Variants in SPEG observed in about 807,000 individuals in gnomAD.
SPEG encodes striated muscle enriched protein kinase, also known as striated muscle preferentially expressed protein kinase.
A neutral mutation model predicts 300.4 loss-of-function variants in SPEG; 114 were observed. The ratio of observed to expected loss-of-function variants is 0.38; its 90% CI spans 0.33 to 0.44. The LOEUF is 0.44. SPEG is among the 20% of genes least tolerant of loss of function. SPEG has a pLI of 1.00. For missense variants in SPEG, 4,201 were observed against 4,586.2 expected (o/e 0.92, Z 2.43); for synonymous variants, 1,964 against 2,018.9 (o/e 0.97, Z 0.73).
At chr2:219,476,825 G>C in intron 18 of SPEG, 45 bp from the exon 19 acceptor site, 3 of 1,498,808 alleles carry the variant, frequency 2.0e-6, no homozygotes, top group Non-Finnish European at 2.8e-6. Flanking sequence ...GGTAAAGCCA[G>C]CCCCTAGCCC....
intron 9 of SPEG, chr2:219,465,356 G>A (rs1691171445): frequency 1.3e-5 from 2 of 153,166 alleles, no homozygotes; most frequent in South Asian, 2.1e-4. Flanking sequence ...CCCAGCCCCT[G>A]ACCTTCCCCA....
At chr2:219,465,981 G>A (rs1691302599) in intron 9 of SPEG, 5 of 1,221,026 alleles carry the variant, frequency 4.1e-6, no homozygotes, top group Non-Finnish European at 4.7e-6. Context: ...GTGTGTGCAT[G>A]TGTGTGTGTG....
Position 219,451,494 on chromosome 2 carries a change from G to A in SPEG, c.2258-131G>A, listed in dbSNP as rs1387298442. ...AACCTGAGCTTCCCAAAATGAGGGC[G>A]GACTCTTCCAGATTCCCTGGGGTGC... On this transcript the variant is annotated intron_variant, in intron 5 of 40. Coordinates refer to ENST00000312358, the MANE Select transcript of SPEG (RefSeq NM_005876.5). This position sits in a 1 kb window ranked among gnomAD's most constrained non-coding sequence, Gnocchi z 6.4. The A allele has an allele frequency of 3.3e-5, 38 of 1,144,412 alleles. No homozygotes were observed. The highest frequency in any genetic ancestry group is 5.5e-5 in the East Asian group (2 of 36,472). 70.9% of individuals were successfully genotyped at this position (1,144,412 alleles called of 1,614,324 possible).
At position 219,444,582 on chromosome 2, in the gene SPEG, C is replaced by A; in HGVS notation, c.389-71C>A. 1 of 1,327,164 alleles carries A rather than the reference C, an allele frequency of 7.5e-7. No homozygotes were observed. The highest frequency in any genetic ancestry group is 1.1e-6 in the Non-Finnish European group (1 of 926,382). The allele number at this position is 1,327,164 out of a possible 1,614,324, so 82.2% of individuals were successfully genotyped here. ...ATGGAGCCTGCTGTTGGCAGGGAGGCAGAAGGCAATAGGGAAGAGTTGGAG... is the reference window on the plus strand; with the variant it reads ...ATGGAGCCTGCTGTTGGCAGGGAGGAAGAAGGCAATAGGGAAGAGTTGGAG... On this transcript the variant is annotated intron_variant, in intron 1 of 40. Transcript: ENST00000312358. This position sits in a 1 kb window ranked among gnomAD's most constrained non-coding sequence, Gnocchi z 7.8.
chr2:219,488,456 C>A, intron 32 of SPEG, 42 bp from the exon 33 acceptor site: 1 of 1,541,322 alleles, frequency 6.5e-7, no homozygotes, highest in Non-Finnish European at 8.8e-7. Flanking sequence ...TGGACATGTG[C>A]TGCCTCACTC....
chr2:219,484,253 G>A lies in SPEG; in HGVS notation c.6790G>A (p.Gly2264Ser). 6.2e-7 allele frequency: 1 copy of A among 1,610,508 alleles called. No homozygotes were observed. The highest frequency in any genetic ancestry group is 8.5e-7 in the Non-Finnish European group (1 of 1,179,708). Reference sequence around the variant, plus strand: ...AGGCCACGCCCAGGGCCCCTCGCAGGGCCCTGCCGCGCCGCCTTCAGAGCC... The same window carrying A: ...AGGCCACGCCCAGGGCCCCTCGCAGAGCCCTGCCGCGCCGCCTTCAGAGCC... ...LSGHAQGPSQ[G>S]PAAPPSEPKP... The change falls in exon 30 of 41, where the codon GGC becomes AGC. Residue 2264 changes from glycine (G) to serine (S), a missense_variant. Gly to Ser is a moderately conservative substitution (Grantham distance 56). Coordinates refer to ENST00000312358, the MANE Select transcript of SPEG (RefSeq NM_005876.5).
At chr2:219,441,764 A>G (rs1476977283) in intron 1 of SPEG, among the ~76,000 whole-genome samples, 1 of 151,802 alleles carries the variant, frequency 6.6e-6, no homozygotes, top group East Asian at 1.9e-4. Context: ...TCGTGTAGGG[A>G]GGCAGGTGAG....
In SPEG at chr2:219,445,125, T is replaced by C. The variant is rs1490657359; in HGVS notation, c.779T>C (p.Phe260Ser). 1.4e-5 allele frequency: 22 copies of C among 1,590,754 alleles called. No individual in the cohort carries two copies. The highest frequency in any genetic ancestry group is 1.8e-5 in the Non-Finnish European group (21 of 1,169,364). ...GCCAGTGACCTGTACGGCAGCGCAT[T>C]CAGCCTGTACAGAGGACGGGCGCTC... is the stretch of plus-strand genomic sequence containing the variant. The part of the protein sequence containing the change: ...SVASDLYGSA[F>S]SLYRGRALSI... The change falls in exon 3 of 41, where the codon TTC becomes TCC. Residue 260 changes from phenylalanine (F) to serine (S), a missense_variant. Phe to Ser is a radical substitution (Grantham distance 155). Transcript: ENST00000312358. This position sits in a 1 kb window ranked among gnomAD's most constrained non-coding sequence, Gnocchi z 6.1.
intron 1 of SPEG, chr2:219,442,999 C>G: frequency 3.4e-6 from 3 of 894,772 alleles, no homozygotes; most frequent in South Asian, 1.5e-5. Flanking sequence ...CACACACACA[C>G]TGGCCAGGGA....
In SPEG at chr2:219,435,263, C is replaced by A. The variant is rs760453637; in HGVS notation, c.286C>A (p.Arg96=). 62 of 1,489,018 alleles carry A rather than the reference C, an allele frequency of 4.2e-5. No individual in the cohort carries two copies. The highest frequency in any genetic ancestry group is 4.6e-4 in the Middle Eastern group (2 of 4,324). 92.2% of individuals were successfully genotyped at this position (1,489,018 alleles called of 1,614,324 possible). A position where few individuals can be genotyped will look rare whatever the true frequency, so the allele number is the denominator to read the frequency against. ...CCCCGAGCCCAGCTGCCTGTGGCTGCGGCGCTGCGGGGCGCAGGACGCCGG... is the reference window on the plus strand; with the variant it reads ...CCCCGAGCCCAGCTGCCTGTGGCTGAGGCGCTGCGGGGCGCAGGACGCCGG... ...PAPEPSCLWL[R]RCGAQDAGVY... Residue 96 remains arginine (R), a synonymous_variant, in exon 1 of 41, where the codon CGG becomes AGG. Transcript: ENST00000312358.
intron 40 of SPEG, 90 bp downstream of exon 40, chr2:219,492,350 A>T: frequency 7.0e-7 from 1 of 1,426,022 alleles, no homozygotes; most frequent in African/African-American, 1.4e-5. Flanking sequence ...CCCTGCTCCT[A>T]GGAAGAAGTC....
rs1332070666 is a variant in SPEG, at chr2:219,451,395, C to T, written c.2257+116C>T. ...AGGGGTGGGAAAGAGGGGAATTATC[C>T]CCTCCACGGGGGCTGCCCTGACTTG... is the stretch of plus-strand genomic sequence containing the variant. On this transcript the variant is annotated intron_variant, in intron 5 of 40. Coordinates refer to ENST00000312358, the MANE Select transcript of SPEG (RefSeq NM_005876.5). This position sits in a 1 kb window ranked among gnomAD's most constrained non-coding sequence, Gnocchi z 6.4. 2 of 1,389,072 alleles carry T rather than the reference C, an allele frequency of 1.4e-6. No homozygotes were observed. The highest frequency in any genetic ancestry group is 1.9e-6 in the Non-Finnish European group (2 of 1,044,070). The allele number at this position is 1,389,072 out of a possible 1,614,324, so 86.0% of individuals were successfully genotyped here. A position where few individuals can be genotyped will look rare whatever the true frequency, so the allele number is the denominator to read the frequency against.
In SPEG at chr2:219,489,454, C is replaced by T. The variant is rs188612736; in HGVS notation, c.8436C>T (p.Pro2812=). 451 of 1,612,360 alleles carry T rather than the reference C, an allele frequency of 2.8e-4. 3 individuals carry two copies. The Admixed American group carries it at 6.2e-3, about 22-fold the overall frequency. Residue 2812 remains proline (P), a synonymous_variant, in exon 36 of 41, where the codon CCC becomes CCT. Transcript: ENST00000312358. ...CCCCACCCCTAGCTCCTGCTGCCCCCACACCCCCGTCAGTCACTGTCAGCC... is the reference window on the plus strand; with the variant it reads ...CCCCACCCCTAGCTCCTGCTGCCCCTACACCCCCGTCAGTCACTGTCAGCC... The part of the protein sequence containing the change: ...SLAPPLAPAA[P]TPPSVTVSPS...
intron 33 of SPEG, 27 bp downstream of exon 33, chr2:219,488,692 G>T (rs200012925): frequency 1.1e-5 from 18 of 1,604,102 alleles, no homozygotes; most frequent in African/African-American, 1.1e-4. Flanking sequence ...GCCCCAGGGG[G>T]GTAGTGATGG....
chr2:219,490,717 A>T lies in SPEG; in HGVS notation c.9162-16A>T. ...GGCTGGGCCGGGTATCATCTGCTCC[A>T]TCCCTGCCCTCCCAGGTTCCGGTAT... On this transcript the variant is annotated splice_polypyrimidine_tract_variant and intron_variant, in intron 37 of 40. Transcript: ENST00000312358. 6.2e-7 allele frequency: 1 copy of T among 1,613,662 alleles called. No homozygotes were observed. The highest frequency in any genetic ancestry group is 1.1e-5 in the South Asian group (1 of 91,074).
rs767195712 is a variant in SPEG, at chr2:219,484,548, C to T, written c.7085C>T (p.Pro2362Leu). The change falls in exon 30 of 41, where the codon CCC (proline) becomes CTC (leucine). Residue 2362 changes from proline (P) to leucine (L), a missense_variant. Physicochemically the swap from Pro to Leu is moderately conservative, Grantham distance 98. This residue lies in a region of SPEG where 1,578 missense variants were observed against 1,506.0 expected (regional missense o/e 1.05). Transcript: ENST00000312358. ...LSRSRSEERG[P>L]FRGAEEEDGI... ...CGTTCGCGCTCGGAGGAGCGCGGCC[C>T]CTTCCGTGGGGCCGAGGAGGAGGAT... The T allele has an allele frequency of 6.3e-7, 1 of 1,592,444 alleles. No individual in the cohort carries two copies. Among genetic ancestry groups the T allele is most frequent in the Admixed American group, 1.7e-5 (1 of 57,212 alleles).
rs777632945 is a variant in SPEG, at chr2:219,464,578, C to T, written c.2851C>T (p.Arg951Trp). The change falls in exon 9 of 41, where the codon CGG becomes TGG. Residue 951 changes from arginine to tryptophan, a missense_variant. Arg to Trp is a moderately radical substitution (Grantham distance 101). Transcript: ENST00000312358. The surrounding 1 kb of genome is among the most constrained non-coding windows in gnomAD (Gnocchi z 4.5). The part of the protein sequence containing the change: ...TCKAVNEYGA[R>W]QCEARLEVRA... ...CAAAGCGGTCAATGAGTATGGTGCT[C>T]GGCAGTGCGAGGCCCGCTTGGAGGT... The T allele has an allele frequency of 1.5e-5, 24 of 1,614,074 alleles. No individual in the cohort carries two copies. The highest frequency in any genetic ancestry group is 2.7e-5 in the African/African-American group (2 of 74,944).
chr2:219,492,677 C>A lies in SPEG; in HGVS notation c.9695C>A (p.Thr3232Asn), dbSNP rs1559439443. Reference protein sequence around the residue: ...YLMKLRRQTLTFTTNRLKEFL... With the variant: ...YLMKLRRQTLNFTTNRLKEFL... The stretch of plus-strand genomic sequence containing the variant: ...ATGAAGCTGCGCCGCCAGACGCTCA[C>A]CTTCACCACCAACCGGCTCAAGGAG... The change falls in exon 41 of 41, where the codon ACC becomes AAC. Residue 3232 changes from threonine (T) to asparagine (N), a missense_variant. Physicochemically the swap from Thr to Asn is moderately conservative, Grantham distance 65 (BLOSUM62 0). Around this residue, in one of 4 missense-constraint regions of SPEG, gnomAD observed 318 missense variants for 429.5 expected, o/e 0.74. Transcript: ENST00000312358. The A allele has an allele frequency of 8.1e-6, 13 of 1,610,372 alleles. No homozygotes were observed. Among genetic ancestry groups the A allele is most frequent in the Non-Finnish European group, 1.1e-5 (13 of 1,179,988 alleles).
Position 219,461,940 on chromosome 2 carries a change from C to T in SPEG, c.2499C>T (p.Pro833=), listed in dbSNP as rs892641717. Residue 833 remains proline, a synonymous_variant, in exon 7 of 41, where the codon CCC becomes CCT. Transcript: ENST00000312358. ...CCTCCGACGAGGAATACCTGAGCCC[C>T]CCAGAGGAGTTCCCAGAGCCTGGGG... ...PITSDEEYLS[P]PEEFPEPGET... is the part of the protein sequence containing the mutation. The T allele has an allele frequency of 9.3e-6, 15 of 1,613,970 alleles. No individual in the cohort carries two copies. The highest frequency in any genetic ancestry group is 1.1e-5 in the Non-Finnish European group (13 of 1,179,956).
Sources: gnomAD v4.1 joint callset for allele counts (sites outside exome capture counted in the v4.1 genomes callset) on GRCh38, gnomAD v4.1.1 for gene constraint, gnomAD v4.1.1 regional missense constraint, Gnocchi (gnomAD v3.1) non-coding constraint, MANE v1.5 for transcripts, NCBI Gene and HGNC (gene_info 2026-07-23, HGNC 2026-07-21) for gene names.